Variants in CGNL1 observed in about 807,000 individuals in gnomAD.
CGNL1 encodes cingulin-like protein 1.
Under a neutral mutation model 141.2 loss-of-function variants are expected in CGNL1, and 132 were observed. The ratio of observed to expected loss-of-function variants is 0.93; its 90% CI spans 0.81 to 1.08. CGNL1 has a LOEUF of 1.08. CGNL1 is among the 50% of genes least tolerant of loss of function. The pLI is 0.00. For missense variants in CGNL1, 1,870 were observed against 1,588.6 expected, an observed-to-expected ratio of 1.18 and a Z score of -3.01; for synonymous variants, 690 against 622.1, an observed-to-expected ratio of 1.11 and a Z score of -1.63.
intron 6 of CGNL1, among the ~76,000 whole-genome samples, chr15:57,452,708 T>C (rs1376708556): frequency 6.6e-6 from 1 of 152,068 alleles, no homozygotes. Context: ...TTGTGATGGG[T>C]GCTTATACCT....
chr15:57,460,129 T>C (rs1463555424), intron 7 of CGNL1, among the ~76,000 whole-genome samples: 1 of 152,070 alleles, frequency 6.6e-6, no homozygotes, highest in African/African-American at 2.4e-5. Flanking sequence ...AGAAACAGCC[T>C]GAGGGAAGAA....
At chr15:57,535,131 G>A (rs1374025468) in intron 14 of CGNL1, among the ~76,000 whole-genome samples, 4 of 152,226 alleles carry the variant, frequency 2.6e-5, no homozygotes, top group Non-Finnish European at 4.4e-5. Context: ...GTCACCTGGT[G>A]ATTTGACCAC....
intron 9 of CGNL1, among the ~76,000 whole-genome samples, chr15:57,517,996 TAAA>T (rs61279417): frequency 3.3e-3 from 487 of 147,026 alleles, no homozygotes; most frequent in Middle Eastern, 6.9e-3. Flanking sequence ...ATATTTCTAT[TAAA>T]AAAAAAAAAA....
intron 4 of CGNL1, among the ~76,000 whole-genome samples, chr15:57,443,940 T>A (rs948200556): frequency 2.0e-5 from 3 of 152,212 alleles, no homozygotes; most frequent in Admixed American, 1.3e-4. Context: ...AATATCCTTT[T>A]TATATTGTTT....
In CGNL1 at chr15:57,523,561, G is replaced by A; in HGVS notation, c.2788G>A (p.Glu930Lys). ...GCTCAAAGAGGAGAGTGAGCAGAAG[G>A]AGCAGCTAAGAAGGTTGAAGAACGA... ...EKLKEESEQK[E>K]QLRRLKNEME... The change falls in exon 11 of 19, where the codon GAG becomes AAG. Residue 930 changes from glutamate to lysine, a missense_variant. Physicochemically the swap from Glu to Lys is moderately conservative, Grantham distance 56 (BLOSUM62 1). Coordinates refer to ENST00000281282, the MANE Select transcript of CGNL1 (RefSeq NM_032866.5). 1 of 1,614,188 alleles carries A rather than the reference G, an allele frequency of 6.2e-7. No homozygotes were observed. The highest frequency in any genetic ancestry group is 1.6e-4 in the Middle Eastern group (1 of 6,062).
intron 1 of CGNL1, among the ~76,000 whole-genome samples, chr15:57,415,020 A>C (rs575161742): frequency 6.6e-6 from 1 of 152,300 alleles, no homozygotes; most frequent in Admixed American, 6.5e-5. Flanking sequence ...CATTTCACGG[A>C]GCAGATGAAT....
In CGNL1 at chr15:57,438,287, G is replaced by T; in HGVS notation, c.288G>T (p.Glu96Asp). 1.2e-6 allele frequency: 2 copies of T among 1,614,156 alleles called. No homozygotes were observed. The highest frequency in any genetic ancestry group is 1.7e-6 in the Non-Finnish European group (2 of 1,180,038). The change falls in exon 2 of 19, where the codon GAG becomes GAT. Residue 96 changes from glutamate (E) to aspartate (D), a missense_variant. Glu to Asp is a conservative substitution (Grantham distance 45). Transcript: ENST00000281282. ...LHSSNGSVPKENSEELQLPEN... is the reference protein window; with the variant it reads ...LHSSNGSVPKDNSEELQLPEN... ...CCAGCAATGGTTCTGTGCCAAAGGAGAACAGTGAAGAACTTCAGCTTCCAG... is the reference window on the plus strand; with the variant it reads ...CCAGCAATGGTTCTGTGCCAAAGGATAACAGTGAAGAACTTCAGCTTCCAG...
intron 14 of CGNL1, among the ~76,000 whole-genome samples, chr15:57,541,646 G>A (rs890396165): frequency 7.2e-5 from 11 of 152,164 alleles, no homozygotes; most frequent in Admixed American, 5.2e-4. Flanking sequence ...TTCTGTGCCC[G>A]GATGTTTATG....
chr15:57,448,540 T>A (rs1401289345), intron 4 of CGNL1, among the ~76,000 whole-genome samples: 2 of 151,590 alleles, frequency 1.3e-5, no homozygotes, highest in African/African-American at 4.9e-5. Context: ...CCCAGCTATT[T>A]GGGAGGCTGA....
chr15:57,400,314 C>CT (rs1204836662), intron 1 of CGNL1, among the ~76,000 whole-genome samples: 1 of 152,192 alleles, frequency 6.6e-6, no homozygotes, highest in Non-Finnish European at 1.5e-5. Flanking sequence ...TTAGGTCTGC[C>CT]TTTTGTGGTT....
intron 8 of CGNL1, among the ~76,000 whole-genome samples, chr15:57,465,465 A>G (rs906135007): frequency 7.5e-6 from 1 of 132,790 alleles, no homozygotes; most frequent in African/African-American, 2.9e-5. Flanking sequence ...ATCTCGTCTC[A>G]TTGCAACCTC....
At chr15:57,499,235 T>C (rs2063985942) in intron 8 of CGNL1, among the ~76,000 whole-genome samples, 1 of 136,230 alleles carries the variant, frequency 7.3e-6, no homozygotes, top group Admixed American at 8.1e-5. Context: ...ATAAAGTTAA[T>C]GGCTTTTTTT....
chr15:57,464,360 A>G (rs1019319909), intron 8 of CGNL1, among the ~76,000 whole-genome samples: 1 of 152,154 alleles, frequency 6.6e-6, no homozygotes, highest in Non-Finnish European at 1.5e-5. Context: ...ACTTTTAAGC[A>G]TATCTTCAAA....
intron 1 of CGNL1, among the ~76,000 whole-genome samples, chr15:57,437,254 A>G (rs1350404265): frequency 6.6e-6 from 1 of 152,204 alleles, no homozygotes; most frequent in African/African-American, 2.4e-5. Flanking sequence ...TTTTTTAAAT[A>G]ATATTTTCCA....
chr15:57,412,134 C>A (rs140214704), intron 1 of CGNL1, among the ~76,000 whole-genome samples: 1 of 152,180 alleles, frequency 6.6e-6, no homozygotes, highest in African/African-American at 2.4e-5. Flanking sequence ...TGGCATCAGA[C>A]GGGTGCTGGT....
chr15:57,516,386 T>C (rs2030799235), intron 8 of CGNL1, among the ~76,000 whole-genome samples: 1 of 152,120 alleles, frequency 6.6e-6, no homozygotes, highest in South Asian at 2.1e-4. Context: ...TCTGGAATTG[T>C]TAAAAGGTCG....
At chr15:57,407,750 T>G (rs2062739828) in intron 1 of CGNL1, among the ~76,000 whole-genome samples, 1 of 150,396 alleles carries the variant, frequency 6.6e-6, no homozygotes, top group Non-Finnish European at 1.5e-5. Flanking sequence ...ATTCTCAATT[T>G]TTTTTTTTTT....
At chr15:57,453,375 C>G (rs1456793219) in intron 6 of CGNL1, among the ~76,000 whole-genome samples, 6 of 152,194 alleles carry the variant, frequency 3.9e-5, no homozygotes, top group African/African-American at 9.6e-5. Flanking sequence ...TGTTTCATTT[C>G]TTTATCTTCT....
At chr15:57,441,104 A>G (rs1428542321) in intron 3 of CGNL1, among the ~76,000 whole-genome samples, 2 of 152,028 alleles carry the variant, frequency 1.3e-5, no homozygotes, top group African/African-American at 4.8e-5. Context: ...TACAGCCTAC[A>G]TGACTGAAAA....
Sources: allele counts gnomAD v4.1 joint callset (sites outside exome capture counted in the v4.1 genomes callset), GRCh38; gene constraint gnomAD v4.1.1; transcripts MANE v1.5; gene names NCBI Gene and HGNC (gene_info 2026-07-23, HGNC 2026-07-21).